DAZL: variants seen among roughly 807,000 people sequenced by gnomAD.
DAZL encodes deleted in azoospermia-like.
DAZL carries 4 observed loss-of-function variants against 45.0 expected under a neutral mutation model. The observed-to-expected ratio is 0.09, with a 90% CI of 0.04 to 0.20. The LOEUF (loss-of-function observed/expected upper bound fraction) is 0.20, where lower values mean the gene tolerates loss of function less well. Among genes scored for constraint, DAZL ranks in the 10% least tolerant of loss-of-function variants. The probability of loss-of-function intolerance (pLI) is 1.00; values close to 1 mark genes in which losing one functional copy is unlikely to be tolerated. For missense variants in DAZL, 326 were observed against 351.3 expected (o/e 0.93, Z 0.58); for synonymous variants, 122 against 112.4 (o/e 1.09, Z -0.54).
rs1276222412 is a variant in DAZL, at chr3:16,587,551, T to TA, written c.*1108dup. ...GTATAGCAAAAGGGCTCTGATGCTC[T>TA]AGCTGTTTGTCACAATGTAAAATGA... On this transcript the variant is annotated 3_prime_UTR_variant, in exon 11 of 11. Transcript: ENST00000399444. The TA allele has an allele frequency of 6.6e-6, 1 of 152,618 alleles. No individual in the cohort carries two copies. The highest frequency in any genetic ancestry group is 2.4e-5 in the African/African-American group (1 of 41,432). The allele number at this position is 152,618 out of a possible 1,614,324, so 9.5% of individuals were successfully genotyped here.
At chr3:16,595,694 C>G (rs1281566637) in intron 6 of DAZL, among the ~76,000 whole-genome samples, 2 of 151,912 alleles carry the variant, frequency 1.3e-5, no homozygotes, top group Admixed American at 1.3e-4. Context: ...TGATAAGGCT[C>G]TATTCAGACA....
chr3:16,595,811 G>A (rs1359567292), intron 6 of DAZL, among the ~76,000 whole-genome samples: 1 of 152,042 alleles, frequency 6.6e-6, no homozygotes, highest in Non-Finnish European at 1.5e-5. Context: ...TCCTCCTACA[G>A]ATGCTATGGC....
intron 8 of DAZL, among the ~76,000 whole-genome samples, chr3:16,594,041 CTTA>C (rs963498475): frequency 2.6e-5 from 4 of 152,166 alleles, no homozygotes; most frequent in Non-Finnish European, 5.9e-5. Context: ...AATTTTAACA[CTTA>C]TTATATCCTT....
intron 7 of DAZL, among the ~76,000 whole-genome samples, chr3:16,595,026 C>G (rs1179994204): frequency 6.7e-6 from 1 of 149,042 alleles, no homozygotes; most frequent in Non-Finnish European, 1.5e-5. Flanking sequence ...CTGGCTGTTT[C>G]GGCTATTTGA....
rs770045294 is a variant in DAZL, at chr3:16,593,784, T to C, written c.622-16A>G. 1 of 1,520,244 alleles carries C rather than the reference T, an allele frequency of 6.6e-7. No individual in the cohort carries two copies. The highest frequency in any genetic ancestry group is 9.1e-7 in the Non-Finnish European group (1 of 1,097,936). 94.2% of individuals were successfully genotyped at this position (1,520,244 alleles called of 1,614,324 possible). On this transcript the variant is annotated splice_polypyrimidine_tract_variant and intron_variant, in intron 8 of 10. Coordinates refer to ENST00000399444, the MANE Select transcript of DAZL (RefSeq NM_001351.4). ...CTGAATAAGCCTATATTTAAAATAA[T>C]GAAAGTGTAATTAAACAGATATACA...
intron 1 of DAZL, chr3:16,604,425 A>G: frequency 6.5e-7 from 1 of 1,527,474 alleles, no homozygotes; most frequent in Non-Finnish European, 8.8e-7. Context: ...CTTAATGGTA[A>G]CTGCTGAAAC....
At position 16,594,520 on chromosome 3, in the gene DAZL, T is replaced by C; in HGVS notation, c.621+13A>G. 6.3e-7 allele frequency: 1 copy of C among 1,577,428 alleles called. No individual in the cohort carries two copies. Among genetic ancestry groups the C allele is most frequent in the Non-Finnish European group, 8.6e-7 (1 of 1,158,446 alleles). On this transcript the variant is annotated intron_variant, in intron 8 of 10. Transcript: ENST00000399444. ...AAATAACAGGAATTATATGTTTGGC[T>C]AATTCACTTTACCGGAGGTACAACA...
intron 1 of DAZL, among the ~76,000 whole-genome samples, chr3:16,603,717 T>C (rs1694729150): frequency 6.6e-6 from 1 of 152,182 alleles, no homozygotes; most frequent in South Asian, 2.1e-4. Flanking sequence ...GGTATAATTT[T>C]TAACATATAC....
intron 1 of DAZL, 43 bp downstream of exon 1, chr3:16,605,160 A>G (rs769260598): frequency 1.2e-6 from 2 of 1,613,838 alleles, no homozygotes; most frequent in Non-Finnish European, 1.7e-6. Flanking sequence ...CCACGAGTGA[A>G]GACTCCGCCA....
In DAZL at chr3:16,586,810, T is replaced by C. The variant is rs1233863828; in HGVS notation, c.*1850A>G. On this transcript the variant is annotated 3_prime_UTR_variant, in exon 11 of 11. Coordinates refer to ENST00000399444, the MANE Select transcript of DAZL (RefSeq NM_001351.4). ...AAAACACTTTTGAAGAAAAAAACTT[T>C]ATTTTTATTCATGTATGCAAAGACA... The C allele has an allele frequency of 6.6e-6, 1 of 152,178 alleles. No individual in the cohort carries two copies. The highest frequency in any genetic ancestry group is 1.9e-4 in the East Asian group (1 of 5,204). The allele number at this position is 152,178 out of a possible 1,614,324, so 9.4% of individuals were successfully genotyped here.
intron 4 of DAZL, 42 bp from the exon 5 acceptor site, chr3:16,597,093 T>C (rs368181826): frequency 6.3e-7 from 1 of 1,578,994 alleles, no homozygotes; most frequent in Non-Finnish European, 8.7e-7. Flanking sequence ...AATTTTCAAG[T>C]CTTTACTTCC....
At chr3:16,591,111 C>A (rs894501712) in intron 10 of DAZL, among the ~76,000 whole-genome samples, 2 of 152,116 alleles carry the variant, frequency 1.3e-5, no homozygotes, top group African/African-American at 4.8e-5. Context: ...CAAGTTAGTT[C>A]TTTTTCCTAT....
At position 16,588,410 on chromosome 3, in the gene DAZL, C is replaced by A. The variant is rs1020051371; in HGVS notation, c.*250G>T. ...AATGCCAATTTTTAAAAAATCCTTG[C>A]AGATAAATCTTAGTTTCTTTCAGTC... On this transcript the variant is annotated 3_prime_UTR_variant, in exon 11 of 11. Coordinates refer to ENST00000399444, the MANE Select transcript of DAZL (RefSeq NM_001351.4). 1.2e-5 allele frequency: 4 copies of A among 336,122 alleles called. No individual in the cohort carries two copies. The highest frequency in any genetic ancestry group is 2.3e-5 in the Non-Finnish European group (4 of 177,660). The allele number at this position is 336,122 out of a possible 1,614,324, so 20.8% of individuals were successfully genotyped here. A position where few individuals can be genotyped will look rare whatever the true frequency, so the allele number is the denominator to read the frequency against.
At chr3:16,594,014 G>C (rs1694560260) in intron 8 of DAZL, among the ~76,000 whole-genome samples, 1 of 152,200 alleles carries the variant, frequency 6.6e-6, no homozygotes, top group African/African-American at 2.4e-5. Flanking sequence ...AACTAATGTA[G>C]TAAGAGAGTG....
In DAZL at chr3:16,595,393, T is replaced by C; in HGVS notation, c.499-8A>G. The C allele has an allele frequency of 2.0e-6, 3 of 1,532,548 alleles. No homozygotes were observed. Among genetic ancestry groups the C allele is most frequent in the Non-Finnish European group, 2.7e-6 (3 of 1,115,502 alleles). 94.9% of individuals were successfully genotyped at this position (1,532,548 alleles called of 1,614,324 possible). A position where few individuals can be genotyped will look rare whatever the true frequency, so the allele number is the denominator to read the frequency against. ...TGGGTAAGTAGGATATGCCTGAAAA[T>C]CAAGTTTACAGAAAGAATGAATAAT... On this transcript the variant is annotated splice_polypyrimidine_tract_variant and splice_region_variant and intron_variant, in intron 6 of 10. Transcript: ENST00000399444.
chr3:16,598,929 G>T (rs1384282269), intron 1 of DAZL, among the ~76,000 whole-genome samples: 1 of 151,606 alleles, frequency 6.6e-6, no homozygotes, highest in Non-Finnish European at 1.5e-5. Flanking sequence ...GATTACATGC[G>T]CCCGACACCA....
At chr3:16,589,353 T>C (rs192577885) in intron 10 of DAZL, among the ~76,000 whole-genome samples, 4 of 152,324 alleles carry the variant, frequency 2.6e-5, no homozygotes, top group Admixed American at 2.6e-4. Flanking sequence ...TAATAGCATT[T>C]TATTTTCTAC....
intron 6 of DAZL, 82 bp downstream of exon 6, chr3:16,596,664 CACTT>C: frequency 7.0e-7 from 1 of 1,429,044 alleles, no homozygotes; most frequent in Non-Finnish European, 9.8e-7. Flanking sequence ...ATGCCATTAC[CACTT>C]ACTACAGAAA....
intron 8 of DAZL, 51 bp from the exon 9 acceptor site, chr3:16,593,819 A>C (rs1459026785): frequency 1.0e-5 from 12 of 1,191,528 alleles, no homozygotes; most frequent in Non-Finnish European, 1.5e-5. Flanking sequence ...AGATATATTT[A>C]AAAGCCACTT....
Sources: allele counts gnomAD v4.1 joint callset (sites outside exome capture counted in the v4.1 genomes callset), GRCh38; gene constraint gnomAD v4.1.1; transcripts MANE v1.5; gene names NCBI Gene and HGNC (gene_info 2026-07-23, HGNC 2026-07-21).